Variants in CPQ observed in about 807,000 individuals in gnomAD.
CPQ encodes the protein Ser-Met dipeptidase.
CPQ carries 37 observed loss-of-function variants against 45.7 expected under a neutral mutation model. The ratio of observed to expected loss-of-function variants is 0.81; its 90% CI spans 0.62 to 1.07. The LOEUF (loss-of-function observed/expected upper bound fraction) is 1.07. CPQ is among the 50% of genes least tolerant of loss of function. The pLI, the probability that CPQ is intolerant of heterozygous loss-of-function variation, is 0.00. For synonymous variants in CPQ, 186 were observed against 205.8 expected (o/e 0.90, Z 0.82); for missense variants, 537 against 572.9 (o/e 0.94, Z 0.64).
chr8:96,942,487 G>A (rs1170710004), intron 4 of CPQ, among the ~76,000 whole-genome samples: 3 of 152,104 alleles, frequency 2.0e-5, no homozygotes, highest in African/African-American at 7.2e-5. Context: ...CAGGGACCAA[G>A]CAAATGAAAA....
chr8:96,885,969 C>A (rs1812301751), intron 4 of CPQ, among the ~76,000 whole-genome samples: 1 of 140,520 alleles, frequency 7.1e-6, no homozygotes, highest in Non-Finnish European at 1.6e-5. Flanking sequence ...CAGTGGGACT[C>A]CATCTCAACA....
At position 96,785,110 on chromosome 8, in the gene CPQ, T is replaced by A. The variant is rs1254398317; in HGVS notation, c.213T>A (p.Val71=). The A allele has an allele frequency of 6.2e-7, 1 of 1,613,780 alleles. No individual in the cohort carries two copies. The highest frequency in any genetic ancestry group is 2.2e-5 in the East Asian group (1 of 44,804). Residue 71 remains valine (V), a synonymous_variant, in exon 2 of 8, where the codon GTT becomes GTA. Transcript: ENST00000220763. ...CCTATGAGCGATTGGCACTTCTGGT[T>A]GATACTGTTGGACCCAGACTGAGTG... is the stretch of plus-strand genomic sequence containing the variant. ...NRSYERLALL[V]DTVGPRLSGS...
At chr8:97,039,449 C>G (rs1810070918) in intron 6 of CPQ, among the ~76,000 whole-genome samples, 2 of 150,808 alleles carry the variant, frequency 1.3e-5, no homozygotes, top group Admixed American at 6.6e-5. Context: ...TAATATTAAA[C>G]AATTGTGATT....
intron 2 of CPQ, among the ~76,000 whole-genome samples, chr8:96,808,498 T>C (rs560261451): frequency 6.6e-6 from 1 of 152,242 alleles, no homozygotes; most frequent in African/African-American, 2.4e-5. Context: ...TTCCTGTCCC[T>C]CCTTATAGAG....
In CPQ at chr8:96,746,957, A is replaced by G. The variant is rs143378227; in HGVS notation, c.-34-37907A>G. On this transcript the variant is annotated intron_variant, in intron 1 of 7. Transcript: ENST00000220763. Reference sequence around the variant, plus strand: ...ACAGGTTTCTGACTCTTGGATTTTAAGTAGTATGTTATGGCTGGTACCTGG... The same window carrying G: ...ACAGGTTTCTGACTCTTGGATTTTAGGTAGTATGTTATGGCTGGTACCTGG... 3.3e-3 allele frequency among the ~76,000 whole-genome samples: 505 copies of G among 152,290 alleles called. 2 individuals are homozygous for G. Among genetic ancestry groups the G allele is most frequent in the African/African-American group, 0.012 (481 of 41,564 alleles).
rs56216136 is a variant in CPQ, at chr8:96,730,866, C to CATACATATAT, written c.-34-53995_-34-53994insCATATATATA. On this transcript the variant is annotated intron_variant, in intron 1 of 7. Transcript: ENST00000220763. ...GATCTAGATCAATTAACCATACATA[C>CATACATATAT]ATATATATATATATATATATATATA... Among the ~76,000 whole-genome samples, 519 of 68,662 alleles carry CATACATATAT rather than the reference C, an allele frequency of 7.6e-3. 20 individuals are homozygous for CATACATATAT. Among genetic ancestry groups the CATACATATAT allele is most frequent in the Admixed American group, 0.042 (254 of 6,024 alleles). The allele number at this position is 68,662 out of a possible 152,430, so 45.0% of individuals were successfully genotyped here.
At chr8:96,663,622 A>T (rs1452894446) in intron 1 of CPQ, among the ~76,000 whole-genome samples, 1 of 152,254 alleles carries the variant, frequency 6.6e-6, no homozygotes, top group Non-Finnish European at 1.5e-5. Flanking sequence ...GTTTGTGCTT[A>T]AAAAATTATA....
intron 2 of CPQ, among the ~76,000 whole-genome samples, chr8:96,801,804 G>T (rs1359252148): frequency 1.3e-5 from 2 of 152,062 alleles, no homozygotes; most frequent in Non-Finnish European, 2.9e-5. Flanking sequence ...CCTCCTCTCT[G>T]CCTTCTCTTT....
At chr8:96,735,678 G>A (rs1392606124) in intron 1 of CPQ, among the ~76,000 whole-genome samples, 2 of 152,126 alleles carry the variant, frequency 1.3e-5, no homozygotes, top group Non-Finnish European at 2.9e-5. Context: ...CATAACATAT[G>A]CCATAAAAAT....
Position 96,785,136 on chromosome 8 carries a change from G to T in CPQ, c.239G>T (p.Gly80Val). 1 of 1,613,672 alleles carries T rather than the reference G, an allele frequency of 6.2e-7. No individual in the cohort carries two copies. The highest frequency in any genetic ancestry group is 8.5e-7 in the Non-Finnish European group (1 of 1,179,804). Residue 80 changes from glycine to valine, a missense_variant, in exon 2 of 8, where the codon GGC (glycine) becomes GTC (valine). Transcript: ENST00000220763. ...LVDTVGPRLS[G>V]SKNLEKAIQI... ...GATACTGTTGGACCCAGACTGAGTG[G>T]CTCCAAGAACCTAGAAAAAGCCATC... is the stretch of plus-strand genomic sequence containing the variant.
Position 96,685,136 on chromosome 8 carries a change from C to CAAAAAAACAAAAAACA in CPQ, c.-35+39740_-35+39741insACAAAAAACAAAAAAA, listed in dbSNP as rs1554614017. ...AAACAAACAACAAAAAAACAAAAAA[C>CAAAAAAACAAAAAACA]AAAAAACAGAGTTAGCTCAGTGTTT... On this transcript the variant is annotated intron_variant, in intron 1 of 7. Coordinates refer to ENST00000220763, the MANE Select transcript of CPQ (RefSeq NM_016134.4). Among the ~76,000 whole-genome samples the CAAAAAAACAAAAAACA allele has an allele frequency of 3.3e-5, 5 of 149,814 alleles. No homozygotes were observed. In the South Asian group the frequency reaches 1.1e-3, roughly 32 times the overall value.
chr8:97,016,235 G>T (rs986682598), intron 5 of CPQ, among the ~76,000 whole-genome samples: 2 of 152,076 alleles, frequency 1.3e-5, no homozygotes, highest in African/African-American at 4.8e-5. Context: ...ATTAAATTTT[G>T]AGTAGACCCA....
At chr8:96,852,744 C>T (rs1184186574) in intron 3 of CPQ, among the ~76,000 whole-genome samples, 1 of 152,110 alleles carries the variant, frequency 6.6e-6, no homozygotes. Flanking sequence ...CAGGACATAC[C>T]AGATGGCACG....
chr8:96,945,110 C>G (rs1813172320), intron 4 of CPQ, among the ~76,000 whole-genome samples: 1 of 152,068 alleles, frequency 6.6e-6, no homozygotes, highest in Non-Finnish European at 1.5e-5. Context: ...GAAAAGAGCT[C>G]TGGGGGAACT....
At chr8:97,116,215 G>C (rs1370126044) in intron 7 of CPQ, among the ~76,000 whole-genome samples, 2 of 152,208 alleles carry the variant, frequency 1.3e-5, no homozygotes, top group East Asian at 3.8e-4. Context: ...TGGTGGCCTG[G>C]GAGGTAGTGA....
chr8:96,880,196 G>A (rs1812202793), intron 4 of CPQ, among the ~76,000 whole-genome samples, 191 bp downstream of exon 4: 1 of 152,038 alleles, frequency 6.6e-6, no homozygotes, highest in South Asian at 2.1e-4. Context: ...CAGTCAGAAT[G>A]GGTATTACTA....
At chr8:96,973,987 T>C (rs2130376738) in intron 5 of CPQ, among the ~76,000 whole-genome samples, 1 of 152,144 alleles carries the variant, frequency 6.6e-6, no homozygotes, top group Admixed American at 6.5e-5. Flanking sequence ...AGGCAACAAA[T>C]AGCATGATGA....
chr8:97,001,468 T>A (rs1259773419), intron 5 of CPQ, among the ~76,000 whole-genome samples: 2 of 152,180 alleles, frequency 1.3e-5, no homozygotes, highest in Non-Finnish European at 2.9e-5. Context: ...TGTTGAATTT[T>A]ATAGAAAGCC....
intron 1 of CPQ, among the ~76,000 whole-genome samples, chr8:96,732,771 C>T (rs558341063): frequency 3.5e-4 from 54 of 152,300 alleles, no homozygotes; most frequent in South Asian, 1.9e-3. Context: ...TGCTATCTGA[C>T]ATACCTATGC....
Sources: allele counts gnomAD v4.1 joint callset (sites outside exome capture counted in the v4.1 genomes callset), GRCh38; gene constraint gnomAD v4.1.1; transcripts MANE v1.5; gene names NCBI Gene and HGNC (gene_info 2026-07-23, HGNC 2026-07-21).